Variants in PTPN14 observed in about 807,000 individuals in gnomAD.
PTPN14 encodes tyrosine-protein phosphatase non-receptor type 14.
PTPN14 carries 53 observed loss-of-function variants against 126.8 expected under a neutral mutation model. The ratio of observed to expected loss-of-function variants is 0.42; its 90% confidence interval spans 0.34 to 0.53. The LOEUF (loss-of-function observed/expected upper bound fraction) is 0.53. PTPN14 is among the 20% of genes least tolerant of loss of function. PTPN14 has a pLI of 0.08. For synonymous variants in PTPN14, 630 were observed against 599.3 expected (o/e 1.05, Z -0.75); for missense variants, 1,257 against 1,552.9 (o/e 0.81, Z 3.20).
At chr1:214,377,917 A>C in intron 14 of PTPN14, 42 bp downstream of exon 14, 3 of 1,586,950 alleles carry the variant, frequency 1.9e-6, no homozygotes, top group Non-Finnish European at 2.6e-6. Context: ...TGGGATCCTA[A>C]GACTACAGAG....
Position 214,369,640 on chromosome 1 carries a change from G to C in PTPN14, c.3088C>G (p.His1030Asp), listed in dbSNP as rs1374071876. 1 of 1,614,172 alleles carries C rather than the reference G, an allele frequency of 6.2e-7. No homozygotes were observed. The highest frequency in any genetic ancestry group is 8.5e-7 in the Non-Finnish European group (1 of 1,180,038). The change falls in exon 17 of 19, where the codon CAC (histidine) becomes GAC (aspartate). Residue 1030 changes from histidine to aspartate, a missense_variant. Physicochemically the swap from His to Asp is moderately conservative, Grantham distance 81. Transcript: ENST00000366956. Reference protein sequence around the residue: ...HRYWPKLGSKHSSATYGKFKV... With the variant: ...HRYWPKLGSKDSSATYGKFKV... ...AACTTGCCATAGGTGGCTGAGCTGT[G>C]CTTTGAACCTAGTTTGGGCCAGTAT...
chr1:214,495,758 G>A (rs1235256091), intron 1 of PTPN14, among the ~76,000 whole-genome samples: 5 of 151,912 alleles, frequency 3.3e-5, no homozygotes, highest in Non-Finnish European at 7.4e-5. Context: ...GCAATGGTGC[G>A]ATCTCAGCTC....
At position 214,464,818 on chromosome 1, in the gene PTPN14, C is replaced by T. The variant is rs377174915; in HGVS notation, c.-15G>A. 1.1e-5 allele frequency: 18 copies of T among 1,611,374 alleles called. No homozygotes were observed. Among genetic ancestry groups the T allele is most frequent in the Non-Finnish European group, 1.4e-5 (16 of 1,178,184 alleles). On this transcript the variant is annotated 5_prime_UTR_variant, in exon 2 of 19. Transcript: ENST00000366956. The stretch of plus-strand genomic sequence containing the variant: ...CCAAAAGGCATGGCTATGTGGTCCT[C>T]GGACGCCGCCCGCCTATCCTGGCGC...
At chr1:214,502,688 C>T (rs951809686) in intron 1 of PTPN14, among the ~76,000 whole-genome samples, 12 of 151,562 alleles carry the variant, frequency 7.9e-5, no homozygotes, top group African/African-American at 1.9e-4. Flanking sequence ...TTAAACGTTA[C>T]GAAAAAATGT....
intron 1 of PTPN14, chr1:214,532,967 G>A (rs551029727): frequency 7.7e-6 from 6 of 775,026 alleles, no homozygotes; most frequent in Admixed American, 3.4e-5. Context: ...CGGAAGAACC[G>A]AGAGGAGCTG....
intron 3 of PTPN14, among the ~76,000 whole-genome samples, chr1:214,425,870 G>C (rs1312547696): frequency 6.6e-6 from 1 of 151,900 alleles, no homozygotes; most frequent in Non-Finnish European, 1.5e-5. Flanking sequence ...CAACAACCCT[G>C]CAAGATAGCC....
In PTPN14 at chr1:214,371,679, T is replaced by C. The variant is rs538689295; in HGVS notation, c.3036+1032A>G. 3.9e-4 allele frequency among the ~76,000 whole-genome samples: 59 copies of C among 152,248 alleles called. 1 individual carries two copies. In the South Asian group the frequency reaches 0.012, roughly 31 times the overall value. Reference sequence around the variant, plus strand: ...TAGGTGAATGAATGCCTTGCAATGGTGTGAGCTGATAAGGTGATAAATCTA... The same window carrying C: ...TAGGTGAATGAATGCCTTGCAATGGCGTGAGCTGATAAGGTGATAAATCTA... On this transcript the variant is annotated intron_variant, in intron 16 of 18. Transcript: ENST00000366956.
rs79560938 is a variant in PTPN14 at position 214,545,816 on chromosome 1, C to T, written c.-155+5367G>A. ...AAGCAGCACATTTTGTGACAAGAAA[C>T]TGGAGAGTTCAAGTTGGGACAGGTA... On this transcript the variant is annotated intron_variant, in intron 1 of 18. Coordinates refer to ENST00000366956, the MANE Select transcript of PTPN14 (RefSeq NM_005401.5). 6.4e-3 allele frequency among the ~76,000 whole-genome samples: 967 copies of T among 152,150 alleles called. 13 individuals are homozygous for T. Among genetic ancestry groups the T allele is most frequent in the African/African-American group, 0.022 (920 of 41,504 alleles).
At chr1:214,505,753 C>T (rs1399580914) in intron 1 of PTPN14, among the ~76,000 whole-genome samples, 3 of 152,034 alleles carry the variant, frequency 2.0e-5, no homozygotes, top group Admixed American at 6.6e-5. Context: ...TAAAATTAGC[C>T]GAGGTGGTGG....
intron 1 of PTPN14, among the ~76,000 whole-genome samples, chr1:214,476,821 T>A (rs1660877530): frequency 1.3e-5 from 2 of 152,170 alleles, no homozygotes; most frequent in Non-Finnish European, 1.5e-5. Context: ...GGGAGGGTTA[T>A]GAGTTAATAA....
intron 1 of PTPN14, among the ~76,000 whole-genome samples, chr1:214,490,928 A>AGGGG: frequency 1.1e-5 from 1 of 95,034 alleles, no homozygotes; most frequent in Non-Finnish European, 2.2e-5. Flanking sequence ...GAAAGAAAGG[A>AGGGG]AGGAAAGAAA....
At chr1:214,548,195 T>TA (rs1352170821) in intron 1 of PTPN14, among the ~76,000 whole-genome samples, 1 of 152,118 alleles carries the variant, frequency 6.6e-6, no homozygotes. Context: ...ATCACACAGC[T>TA]AAAAAATGGC....
chr1:214,508,488 T>A (rs928982389), intron 1 of PTPN14, among the ~76,000 whole-genome samples: 1 of 152,208 alleles, frequency 6.6e-6, no homozygotes, highest in Non-Finnish European at 1.5e-5. Context: ...AGGCTCCACT[T>A]CTAATTCTAG....
At chr1:214,485,425 T>C (rs1184195746) in intron 1 of PTPN14, among the ~76,000 whole-genome samples, 1 of 152,222 alleles carries the variant, frequency 6.6e-6, no homozygotes, top group African/African-American at 2.4e-5. Flanking sequence ...GAGCATTTCA[T>C]TCAATTTTGG....
intron 13 of PTPN14, 77 bp from the exon 14 acceptor site, chr1:214,378,179 T>C: frequency 6.8e-7 from 1 of 1,468,258 alleles, no homozygotes; most frequent in Non-Finnish European, 9.2e-7. Context: ...TCTCCTCAAA[T>C]CTGTAACTCC....
chr1:214,417,161 C>T (rs1659445115), intron 3 of PTPN14, among the ~76,000 whole-genome samples: 1 of 152,180 alleles, frequency 6.6e-6, no homozygotes, highest in East Asian at 1.9e-4. Flanking sequence ...GTCCATCTGA[C>T]TCTTGAGGCC....
intron 13 of PTPN14, among the ~76,000 whole-genome samples, chr1:214,380,996 A>G (rs1167132672): frequency 2.0e-5 from 3 of 152,208 alleles, no homozygotes; most frequent in African/African-American, 7.2e-5. Flanking sequence ...GGGAAAATGA[A>G]GTAGAAATGG....
At chr1:214,370,290 A>G (rs115943737) in intron 16 of PTPN14, among the ~76,000 whole-genome samples, 5,379 of 151,780 alleles carry the variant, frequency 0.035, 180 homozygotes, top group African/African-American at 0.09. Flanking sequence ...CAAAAAAAAA[A>G]AAAAAAGAAA....
intron 1 of PTPN14, among the ~76,000 whole-genome samples, chr1:214,544,625 C>T (rs1219326605): frequency 1.3e-5 from 2 of 152,100 alleles, no homozygotes; most frequent in Admixed American, 1.3e-4. Flanking sequence ...TGGCTGTATG[C>T]CTGTAATCCC....
Sources: gnomAD v4.1 joint callset for allele counts (sites outside exome capture counted in the v4.1 genomes callset) on GRCh38, gnomAD v4.1.1 for gene constraint, MANE v1.5 for transcripts, NCBI Gene and HGNC (gene_info 2026-07-23, HGNC 2026-07-21) for gene names.